The following ABCB4 variants were observed in gnomAD, a reference collection of about 807,000 sequenced individuals.
ABCB4 encodes ATP binding cassette subfamily B member 4, also known as phosphatidylcholine translocator ABCB4.
Under a neutral mutation model 145.7 loss-of-function variants are expected in ABCB4, and 76 were observed. The observed-to-expected ratio is 0.52, with a 90% CI of 0.43 to 0.63. The LOEUF (loss-of-function observed/expected upper bound fraction) is 0.63, where lower values mean the gene tolerates loss of function less well. Among genes scored for constraint, ABCB4 ranks in the 30% least tolerant of loss-of-function variants. The probability of loss-of-function intolerance (pLI) is 0.00; values close to 1 mark genes in which losing one functional copy is unlikely to be tolerated. For missense variants in ABCB4, 1,234 were observed against 1,553.1 expected (o/e 0.79, Z 3.45); for synonymous variants, 517 against 566.8 (o/e 0.91, Z 1.25).
chr7:87,395,079 A>G, the ABCB4 span, among the ~76,000 whole-genome samples: 1 of 152,178 alleles, frequency 6.6e-6, no homozygotes, highest in South Asian at 2.1e-4. Flanking sequence ...TAGGATATTT[A>G]AGAAGTATGT....
the ABCB4 span, chr7:87,376,006 CAT>C: frequency 6.7e-7 from 1 of 1,486,998 alleles, no homozygotes; most frequent in African/African-American, 1.4e-5. Context: ...CTGGAAGACT[CAT>C]ATTTATTGAA....
the ABCB4 span, chr7:87,392,739 G>A: frequency 1.8e-5 from 29 of 1,613,094 alleles, no homozygotes; most frequent in Middle Eastern, 1.6e-4. Flanking sequence ...GGATTTGATC[G>A]TCACCTTTTA....
At chr7:87,410,795 A>G (rs1808566360) in intron 23 of ABCB4, among the ~76,000 whole-genome samples, 1 of 152,198 alleles carries the variant, frequency 6.6e-6, no homozygotes, top group Non-Finnish European at 1.5e-5. Context: ...TGGAAGGCAC[A>G]GCAGAGGATA....
the ABCB4 span, among the ~76,000 whole-genome samples, chr7:87,380,141 A>T: frequency 0.016 from 1,952 of 125,806 alleles, 11 homozygotes; most frequent in Non-Finnish European, 0.02. Flanking sequence ...AAATAAGCAT[A>T]TGTACTGTAA....
intron 15 of ABCB4, among the ~76,000 whole-genome samples, chr7:87,429,605 C>T (rs1810063210): frequency 6.6e-6 from 1 of 152,160 alleles, no homozygotes; most frequent in Non-Finnish European, 1.5e-5. Flanking sequence ...TTCAACATGT[C>T]ATTATGGGCA....
intron 14 of ABCB4, among the ~76,000 whole-genome samples, chr7:87,435,489 C>T (rs1048396807): frequency 6.6e-6 from 1 of 152,184 alleles, no homozygotes; most frequent in Non-Finnish European, 1.5e-5. Context: ...TCACACAGCT[C>T]GTCTGTTTGC....
At chr7:87,444,714 A>C in intron 10 of ABCB4, 148 bp downstream of exon 10, 3 of 605,516 alleles carry the variant, frequency 5.0e-6, no homozygotes, top group Non-Finnish European at 8.7e-6. Flanking sequence ...ATTTATTACT[A>C]ACAGGTCATT....
At position 87,443,783 on chromosome 7, in the gene ABCB4, AC is replaced by A. The variant is rs759203557; in HGVS notation, c.1120-11del. 15 of 1,593,082 alleles carry A rather than the reference AC, an allele frequency of 9.4e-6. No homozygotes were observed. The Admixed American group carries it at 2.3e-4, about 25-fold the overall frequency. On this transcript the variant is annotated splice_polypyrimidine_tract_variant and intron_variant, in intron 10 of 27. Coordinates refer to ENST00000649586, the MANE Select transcript of ABCB4 (RefSeq NM_000443.4). Reference sequence around the variant, plus strand: ...TGTCAATTTTAGGATTCTAAATAAAACAAAATGTAATGACTATTCCATCATA... The same window carrying A: ...TGTCAATTTTAGGATTCTAAATAAAAAAAATGTAATGACTATTCCATCATA...
At position 87,462,894 on chromosome 7, in the gene ABCB4, A is replaced by G. The variant is rs767789674; in HGVS notation, c.150T>C (p.Asp50=). ...GCGACATAAACAATTTATCCTGCCA[A>G]TCGGAGTATCGAAACTAAAAAAAGG... is the stretch of plus-strand genomic sequence containing the variant. ...IGVLTLFRYS[D]WQDKLFMSLG... Residue 50 remains aspartate, a synonymous_variant, in exon 4 of 28, where the codon GAT becomes GAC. Transcript: ENST00000649586. 1.2e-6 allele frequency: 2 copies of G among 1,613,908 alleles called. No individual in the cohort carries two copies. Among genetic ancestry groups the G allele is most frequent in the East Asian group, 2.2e-5 (1 of 44,852 alleles).
At chr7:87,398,922 T>C, downstream of ABCB4, 1 of 316,198 alleles carries the variant, frequency 3.2e-6, no homozygotes, top group East Asian at 7.0e-5. Context: ...ACAATCCAAA[T>C]CTACAAACTT....
intron 24 of ABCB4, 69 bp downstream of exon 24, chr7:87,409,167 C>G (rs1354678221): frequency 1.9e-6 from 3 of 1,559,504 alleles, no homozygotes; most frequent in Non-Finnish European, 2.6e-6. Context: ...TATCCTGTAG[C>G]TATAATCTAG....
intron 12 of ABCB4, 97 bp from the exon 13 acceptor site, chr7:87,440,499 G>T: frequency 9.6e-7 from 1 of 1,037,798 alleles, no homozygotes; most frequent in Non-Finnish European, 1.4e-6. Context: ...TATTTAACTT[G>T]GTTCAGTGTT....
chr7:87,475,180 G>A (rs1183651566), intron 2 of ABCB4, among the ~76,000 whole-genome samples: 1 of 152,228 alleles, frequency 6.6e-6, no homozygotes, highest in Non-Finnish European at 1.5e-5. Flanking sequence ...TCCTGAATCT[G>A]TTCCAAAAGG....
intron 4 of ABCB4, among the ~76,000 whole-genome samples, chr7:87,461,069 C>T (rs539689584): frequency 6.6e-6 from 1 of 152,210 alleles, no homozygotes; most frequent in South Asian, 2.1e-4. Context: ...CCTCAGCCTC[C>T]AGAGTAGCTG....
chr7:87,383,316 G>A, the ABCB4 span, among the ~76,000 whole-genome samples: 1 of 151,712 alleles, frequency 6.6e-6, no homozygotes, highest in Non-Finnish European at 1.5e-5. Context: ...CTACTTCCAC[G>A]AGATCAATTT....
At chr7:87,474,254 C>T (rs1322352765) in intron 2 of ABCB4, among the ~76,000 whole-genome samples, 2 of 152,222 alleles carry the variant, frequency 1.3e-5, no homozygotes, top group Non-Finnish European at 2.9e-5. Context: ...TTAATAGACT[C>T]ACAGTCAATC....
rs1245472904 is a variant in ABCB4, at chr7:87,403,134, C to T, written c.3633+1G>A. ...GACATAAGTTGGGAGGCCACACACACCTTTTCACTTTCAGTATCCAGAGCT... is the reference window on the plus strand; with the variant it reads ...GACATAAGTTGGGAGGCCACACACATCTTTTCACTTTCAGTATCCAGAGCT... On this transcript the variant is annotated splice_donor_variant, in intron 27 of 27. Transcript: ENST00000649586. LOFTEE classifies it high-confidence loss of function. 1 of 1,614,040 alleles carries T rather than the reference C, an allele frequency of 6.2e-7. No homozygotes were observed. The highest frequency in any genetic ancestry group is 8.5e-7 in the Non-Finnish European group (1 of 1,179,922).
Position 87,431,473 on chromosome 7 carries a change from A to C in ABCB4, c.1824T>G (p.Ile608Met). 4.3e-6 allele frequency: 7 copies of C among 1,614,160 alleles called. No individual in the cohort carries two copies. Among genetic ancestry groups the C allele is most frequent in the Non-Finnish European group, 5.9e-6 (7 of 1,179,998 alleles). ...GTTCGCTGTGGCTTCCTTGCTCCACAATTACTCCATCCTCAAACCCAGCGA... is the reference window on the plus strand; with the variant it reads ...GTTCGCTGTGGCTTCCTTGCTCCACCATTACTCCATCCTCAAACCCAGCGA... ...DVIAGFEDGV[I>M]VEQGSHSELM... Residue 608 changes from isoleucine to methionine, a missense_variant, in exon 15 of 28, where the codon ATT becomes ATG. Around this residue, in one of 7 missense-constraint regions of ABCB4, gnomAD observed 321 missense variants for 332.6 expected, o/e 0.97. Transcript: ENST00000649586.
intron 15 of ABCB4, among the ~76,000 whole-genome samples, chr7:87,431,203 A>T (rs1358290305): frequency 6.6e-6 from 1 of 152,174 alleles, no homozygotes; most frequent in African/African-American, 2.4e-5. Context: ...GAATATATCC[A>T]TGATGTTTTT....
Sources: gnomAD v4.1 joint callset for allele counts (sites outside exome capture counted in the v4.1 genomes callset) on GRCh38, gnomAD v4.1.1 for gene constraint, gnomAD v4.1.1 regional missense constraint, MANE v1.5 for transcripts, NCBI Gene and HGNC (gene_info 2026-07-23, HGNC 2026-07-21) for gene names.